SI: variants seen among roughly 807,000 people sequenced by gnomAD.
SI encodes the protein sucrase-isomaltase, intestinal.
Under a neutral mutation model 253.3 loss-of-function variants are expected in SI, and 235 were observed. That is an observed-to-expected ratio of 0.93 (90% confidence interval 0.83 to 1.03). SI has a LOEUF of 1.03. Ranked by LOEUF, SI falls within the 50% of genes least tolerant of loss-of-function variation. The pLI is 0.00. For missense variants in SI, 2,442 were observed against 2,211.1 expected, an observed-to-expected ratio of 1.10 and a Z score of -2.09; for synonymous variants, 819 against 712.0, an observed-to-expected ratio of 1.15 and a Z score of -2.39.
chr3:165,040,886 A>G (rs1040289594), intron 18 of SI, 54 bp downstream of exon 18: 5 of 1,414,854 alleles, frequency 3.5e-6, no homozygotes, highest in Non-Finnish European at 4.0e-6. Flanking sequence ...TTTTCTGTGT[A>G]TGTTTGAACA....
chr3:165,083,263 T>C (rs186400659), upstream of SI, among the ~76,000 whole-genome samples: 8 of 152,084 alleles, frequency 5.3e-5, no homozygotes, highest in Admixed American at 2.0e-4. Context: ...TAATTTTGTG[T>C]ATGTAGCTAA....
intron 3 of SI, among the ~76,000 whole-genome samples, chr3:165,071,429 TATA>T (rs1214501940): frequency 6.6e-6 from 1 of 151,542 alleles, no homozygotes; most frequent in African/African-American, 2.4e-5. Context: ...CAAATAAAGG[TATA>T]ATAAATTTAT....
intron 13 of SI, among the ~76,000 whole-genome samples, chr3:165,052,772 A>C (rs1015793980): frequency 3.9e-5 from 6 of 152,108 alleles, no homozygotes; most frequent in Non-Finnish European, 7.4e-5. Flanking sequence ...ATTTAAACTA[A>C]ATCTAAATAT....
intron 44 of SI, among the ~76,000 whole-genome samples, chr3:164,987,920 T>C (rs114775219): frequency 5.9e-4 from 90 of 152,318 alleles, no homozygotes; most frequent in African/African-American, 2.1e-3. Flanking sequence ...CTTTTCTGAC[T>C]TAAGCCTTCC....
intron 30 of SI, 29 bp downstream of exon 30, chr3:165,017,732 A>C: frequency 6.3e-7 from 1 of 1,597,646 alleles, no homozygotes; most frequent in Non-Finnish European, 8.5e-7. Flanking sequence ...AAAATTTTTA[A>C]TTTTTTTAAA....
At chr3:165,058,673 A>G (rs1713821552) in intron 12 of SI, among the ~76,000 whole-genome samples, 1 of 151,990 alleles carries the variant, frequency 6.6e-6, no homozygotes, top group South Asian at 2.1e-4. Context: ...GAATACCTAG[A>G]AGAAATGCAT....
At position 165,065,327 on chromosome 3, in the gene SI, C is replaced by T; in HGVS notation, c.741G>A (p.Lys247=). Residue 247 remains lysine (K), a synonymous_variant, in exon 7 of 48, where the codon AAG becomes AAA. Transcript: ENST00000264382. Reference sequence around the variant, plus strand: ...TCCAGGATAAATCATGACGAAATCTCTTATGAACTTGTTCTCCAATACCAT... The same window carrying T: ...TCCAGGATAAATCATGACGAAATCTTTTATGAACTTGTTCTCCAATACCAT... ...YIYGIGEQVH[K]RFRHDLSWKT... The T allele has an allele frequency of 6.2e-7, 1 of 1,607,128 alleles. No individual in the cohort carries two copies. The highest frequency in any genetic ancestry group is 1.3e-5 in the African/African-American group (1 of 74,662).
intron 3 of SI, among the ~76,000 whole-genome samples, chr3:165,073,052 CT>C (rs1300100855): frequency 2.6e-5 from 4 of 152,112 alleles, no homozygotes; most frequent in Non-Finnish European, 5.9e-5. Context: ...TAGGTTGACA[CT>C]AAAGACTAAT....
chr3:165,026,769 C>G (rs1711944800), intron 25 of SI, among the ~76,000 whole-genome samples: 1 of 151,120 alleles, frequency 6.6e-6, no homozygotes, highest in African/African-American at 2.4e-5. Context: ...AGTCTTCTAA[C>G]TGAATGACAA....
Position 165,039,119 on chromosome 3 carries a change from T to G in SI, c.2260A>C (p.Ser754Arg). The G allele has an allele frequency of 1.9e-6, 3 of 1,589,990 alleles. No individual in the cohort carries two copies. Among genetic ancestry groups the G allele is most frequent in the Non-Finnish European group, 2.6e-6 (3 of 1,159,740 alleles). ...CAAATAGCATCAGGGATGTAGGCAC[T>G]CACAGTATCTGCTCCCTAAAATAAA... ...PVLKQGADTVSAYIPDAIWYD... is the reference protein window; with the variant it reads ...PVLKQGADTVRAYIPDAIWYD... The change falls in exon 20 of 48, where the codon AGT (serine) becomes CGT (arginine). Residue 754 changes from serine (S) to arginine (R), a missense_variant. Physicochemically the swap from Ser to Arg is moderately radical, Grantham distance 110. Coordinates refer to ENST00000264382, the MANE Select transcript of SI (RefSeq NM_001041.4).
At chr3:165,077,063 C>G (rs1715040401) in intron 1 of SI, among the ~76,000 whole-genome samples, 1 of 150,796 alleles carries the variant, frequency 6.6e-6, no homozygotes, top group Admixed American at 6.6e-5. Context: ...ACCTAAACAC[C>G]TTTTTTTCCT....
At position 165,007,938 on chromosome 3, in the gene SI, C is replaced by G. The variant is rs145734588; in HGVS notation, c.4240G>C (p.Glu1414Gln). Residue 1414 changes from glutamate (E) to glutamine (Q), a missense_variant, in exon 36 of 48, where the codon GAA becomes CAA. By Grantham distance (29) the Glu-to-Gln change is conservative (BLOSUM62 2). Transcript: ENST00000264382. ...GTTTNQCRND[E>Q]LNYPPYFPEL... The stretch of plus-strand genomic sequence containing the variant: ...GGGAAATAAGGTGGATAATTTAGTT[C>G]GTCATTTCTGCATTGATTAGTAGTT... 48 of 1,597,214 alleles carry G rather than the reference C, an allele frequency of 3.0e-5. No individual in the cohort carries two copies. Among genetic ancestry groups the G allele is most frequent in the Non-Finnish European group, 3.9e-5 (45 of 1,166,512 alleles).
At chr3:165,021,452 G>A in intron 26 of SI, 69 bp from the exon 27 acceptor site, 1 of 1,166,048 alleles carries the variant, frequency 8.6e-7, no homozygotes, top group Non-Finnish European at 1.3e-6. Context: ...CATGAACTAA[G>A]TTAAATAATG....
At chr3:164,994,016 C>G (rs1717897881) in intron 41 of SI, among the ~76,000 whole-genome samples, 1 of 151,688 alleles carries the variant, frequency 6.6e-6, no homozygotes, top group Non-Finnish European at 1.5e-5. Context: ...AGTAATTATT[C>G]TGAAATAGAA....
Position 165,048,578 on chromosome 3 carries a change from T to TAG in SI, c.1715+548_1715+549insCT, listed in dbSNP as rs1434778761. Among the ~76,000 whole-genome samples, 176 of 109,350 alleles carry TAG rather than the reference T, an allele frequency of 1.6e-3. 1 individual carries two copies. Among genetic ancestry groups the TAG allele is most frequent in the South Asian group, 0.011 (38 of 3,482 alleles). 71.7% of individuals were successfully genotyped at this position (109,350 alleles called of 152,430 possible). On this transcript the variant is annotated intron_variant, in intron 15 of 47. Coordinates refer to ENST00000264382, the MANE Select transcript of SI (RefSeq NM_001041.4). Reference sequence around the variant, plus strand: ...ATACATATATATATGTATATATATATATATATAGAGAGAGAGAGAGAGAGA... The same window carrying TAG: ...ATACATATATATATGTATATATATATAGATATATAGAGAGAGAGAGAGAGAGA...
rs913283353 is a variant in SI, at chr3:164,983,032, T to G, written c.5217A>C (p.Leu1739=). 6.5e-7 allele frequency: 1 copy of G among 1,545,982 alleles called. No homozygotes were observed. The highest frequency in any genetic ancestry group is 2.3e-5 in the East Asian group (1 of 43,150). ...TTAAATTAAATTGTACAGATAAATA[T>G]AGGTCTCTTTCATAGGTGTCTGTAG... is the stretch of plus-strand genomic sequence containing the variant. ...GESIDTYERD[L]YLSVQFNLNQ... The change falls in exon 46 of 48, where the codon CTA becomes CTC. Residue 1739 remains leucine (L), a synonymous_variant. Coordinates refer to ENST00000264382, the MANE Select transcript of SI (RefSeq NM_001041.4).
intron 25 of SI, among the ~76,000 whole-genome samples, chr3:165,025,639 C>A (rs1711870430): frequency 6.6e-6 from 1 of 151,176 alleles, no homozygotes. Context: ...CAGCAGATTT[C>A]TCAGCAGAAA....
chr3:165,060,377 A>C (rs562063785), intron 9 of SI, among the ~76,000 whole-genome samples: 1 of 152,094 alleles, frequency 6.6e-6, no homozygotes, highest in African/African-American at 2.4e-5. Context: ...CAAAAGGGAA[A>C]ATTTTCCACC....
chr3:165,055,070 T>C (rs1713629992), intron 13 of SI, 124 bp downstream of exon 13: 4 of 644,668 alleles, frequency 6.2e-6, no homozygotes, highest in South Asian at 5.4e-5. Flanking sequence ...GAAAAAACAT[T>C]ATAGTAGCTT....
Sources: allele counts gnomAD v4.1 joint callset (sites outside exome capture counted in the v4.1 genomes callset), GRCh38; gene constraint gnomAD v4.1.1; transcripts MANE v1.5; gene names NCBI Gene and HGNC (gene_info 2026-07-23, HGNC 2026-07-21).